SLC44A5: variants seen among roughly 807,000 people sequenced by gnomAD.
SLC44A5 encodes solute carrier family 44 member 5.
Under a neutral mutation model 101.8 loss-of-function variants are expected in SLC44A5, and 57 were observed. The ratio of observed to expected loss-of-function variants is 0.56; its 90% CI spans 0.45 to 0.70. SLC44A5 has a LOEUF of 0.70. Among genes scored for constraint, SLC44A5 ranks in the 30% least tolerant of loss-of-function variants. SLC44A5 has a pLI of 0.00. For missense variants in SLC44A5, 737 were observed against 853.1 expected, an observed-to-expected ratio of 0.86 and a Z score of 1.70; for synonymous variants, 281 against 290.9, an observed-to-expected ratio of 0.97 and a Z score of 0.35.
chr1:75,683,240 GC>G, the SLC44A5 span, among the ~76,000 whole-genome samples: 1 of 151,912 alleles, frequency 6.6e-6, no homozygotes, highest in African/African-American at 2.4e-5. Context: ...ATTTGACCCA[GC>G]CATCCCATGA....
chr1:75,242,789 G>C (rs1648752236), intron 8 of SLC44A5, 97 bp downstream of exon 8: 5 of 1,358,478 alleles, frequency 3.7e-6, no homozygotes. Context: ...TTTCCTAGAA[G>C]ATTTGGGAGC....
the SLC44A5 span, among the ~76,000 whole-genome samples, chr1:75,699,418 G>A: frequency 2.1e-3 from 321 of 152,040 alleles, 2 homozygotes; most frequent in African/African-American, 7.2e-3. Context: ...CATAAGTGAA[G>A]GAGAAATAAA....
intron 4 of SLC44A5, among the ~76,000 whole-genome samples, chr1:75,337,468 C>T (rs1191214346): frequency 6.6e-6 from 1 of 152,162 alleles, no homozygotes; most frequent in Non-Finnish European, 1.5e-5. Context: ...GGAGAGCTTT[C>T]ATTTCTTAGT....
chr1:75,487,810 A>G (rs1344533608), intron 2 of SLC44A5, among the ~76,000 whole-genome samples: 2 of 152,188 alleles, frequency 1.3e-5, no homozygotes, highest in African/African-American at 4.8e-5. Context: ...CCCAGTCCCC[A>G]GGTCACAGAT....
At chr1:75,464,951 C>T (rs1427219380) in intron 2 of SLC44A5, among the ~76,000 whole-genome samples, 1 of 147,688 alleles carries the variant, frequency 6.8e-6, no homozygotes, top group Non-Finnish European at 1.5e-5. Flanking sequence ...GAAACTTTAA[C>T]ACCTCACTTT....
chr1:75,577,670 TTTTA>T (rs1673449581), intron 1 of SLC44A5, among the ~76,000 whole-genome samples: 1 of 152,192 alleles, frequency 6.6e-6, no homozygotes, highest in African/African-American at 2.4e-5. Context: ...ACACTATATG[TTTTA>T]TTTATTAATT....
At chr1:75,233,930 T>C in intron 12 of SLC44A5, 56 bp downstream of exon 12, 1 of 1,287,392 alleles carries the variant, frequency 7.8e-7, no homozygotes, top group East Asian at 2.3e-5. Context: ...ATAACAGCGA[T>C]TGAAAATAAA....
At chr1:75,421,568 T>C (rs367580505) in intron 2 of SLC44A5, among the ~76,000 whole-genome samples, 4 of 152,264 alleles carry the variant, frequency 2.6e-5, no homozygotes, top group South Asian at 4.1e-4. Flanking sequence ...GAGACACTGT[T>C]TCAGAATTGT....
intron 3 of SLC44A5, among the ~76,000 whole-genome samples, chr1:75,342,213 G>C (rs1448847160): frequency 6.6e-6 from 1 of 152,144 alleles, no homozygotes; most frequent in Non-Finnish European, 1.5e-5. Context: ...TCAAGAAAAA[G>C]GAAAGATCAT....
chr1:75,313,765 A>C (rs1207285468), intron 4 of SLC44A5, among the ~76,000 whole-genome samples: 3 of 152,202 alleles, frequency 2.0e-5, no homozygotes, highest in Non-Finnish European at 4.4e-5. Flanking sequence ...AAGAAAGAAA[A>C]TGAGAGGAAG....
rs117117619 is a variant in SLC44A5 at position 75,416,535 on chromosome 1, C to T, written c.14-19914G>A. Among the ~76,000 whole-genome samples the T allele has an allele frequency of 7.9e-4, 121 of 152,332 alleles. No homozygotes were observed. In the East Asian group the frequency reaches 0.01, roughly 13 times the overall value. ...ACACAGAATCCCTACTGGGGCACCA[C>T]CTAGCGGAGCTGTGAGAAGTGGGCC... On this transcript the variant is annotated intron_variant, in intron 2 of 23. Transcript: ENST00000370859.
At chr1:75,598,441 T>C (rs1331660517) in intron 1 of SLC44A5, among the ~76,000 whole-genome samples, 1 of 152,174 alleles carries the variant, frequency 6.6e-6, no homozygotes, top group Admixed American at 6.5e-5. Context: ...CCCAAAGGAA[T>C]ATAAATTGTT....
chr1:75,386,215 T>C (rs374835499), intron 3 of SLC44A5, among the ~76,000 whole-genome samples: 2 of 151,980 alleles, frequency 1.3e-5, no homozygotes, highest in South Asian at 2.1e-4. Flanking sequence ...CCAGGGCAAT[T>C]AGGCAGGAGA....
At chr1:75,303,292 G>A (rs1320287738) in intron 4 of SLC44A5, among the ~76,000 whole-genome samples, 1 of 152,128 alleles carries the variant, frequency 6.6e-6, no homozygotes, top group Non-Finnish European at 1.5e-5. Context: ...CTGGAGTGCA[G>A]TGGCGCAATC....
intron 1 of SLC44A5, among the ~76,000 whole-genome samples, chr1:75,601,760 A>G (rs1674997411): frequency 6.6e-6 from 1 of 152,098 alleles, no homozygotes; most frequent in Non-Finnish European, 1.5e-5. Context: ...ATCTCTCACA[A>G]ATTTCCCTTC....
intron 2 of SLC44A5, among the ~76,000 whole-genome samples, chr1:75,478,358 A>C (rs138320422): frequency 0.014 from 2,091 of 152,310 alleles, 20 homozygotes; most frequent in Non-Finnish European, 0.019. Flanking sequence ...CGAGCAAAAT[A>C]ACCAGCTAAC....
chr1:75,717,097 A>G, the SLC44A5 span, among the ~76,000 whole-genome samples: 1 of 152,146 alleles, frequency 6.6e-6, no homozygotes, highest in African/African-American at 2.4e-5. Context: ...CTCTACAGCC[A>G]TGAAAAGAAA....
chr1:75,467,153 A>G (rs909022363), intron 2 of SLC44A5, among the ~76,000 whole-genome samples: 3 of 152,186 alleles, frequency 2.0e-5, no homozygotes, highest in South Asian at 4.1e-4. Flanking sequence ...AATGAAAACT[A>G]TGAAACACTG....
intron 3 of SLC44A5, among the ~76,000 whole-genome samples, chr1:75,344,400 T>C (rs1344151701): frequency 6.6e-6 from 1 of 152,190 alleles, no homozygotes; most frequent in Non-Finnish European, 1.5e-5. Flanking sequence ...CTCCCAAAGA[T>C]GTTCACATCC....
Sources: gnomAD v4.1 joint callset for allele counts (sites outside exome capture counted in the v4.1 genomes callset) on GRCh38, gnomAD v4.1.1 for gene constraint, MANE v1.5 for transcripts, NCBI Gene and HGNC (gene_info 2026-07-23, HGNC 2026-07-21) for gene names.